Variants in PPP1R9A observed in about 807,000 individuals in gnomAD.
PPP1R9A encodes neurabin-1.
In PPP1R9A, 59 loss-of-function variants were observed where a neutral mutation model predicts 141.9. The ratio of observed to expected loss-of-function variants is 0.42; its 90% CI spans 0.34 to 0.52. PPP1R9A has a LOEUF of 0.52. Ranked by LOEUF, PPP1R9A falls within the 20% of genes least tolerant of loss-of-function variation. The pLI is 0.10. For synonymous variants in PPP1R9A, 500 were observed against 569.7 expected, an observed-to-expected ratio of 0.88 and a Z score of 1.74; for missense variants, 1,444 against 1,611.9, an observed-to-expected ratio of 0.90 and a Z score of 1.78.
intron 7 of PPP1R9A, among the ~76,000 whole-genome samples, chr7:95,208,384 T>A (rs1791288379): frequency 6.6e-6 from 1 of 152,034 alleles, no homozygotes; most frequent in East Asian, 1.9e-4. Context: ...AAATATAAAA[T>A]TTGGAAGATA....
At chr7:95,083,346 T>C (rs1004023765) in intron 2 of PPP1R9A, among the ~76,000 whole-genome samples, 8 of 151,518 alleles carry the variant, frequency 5.3e-5, no homozygotes, top group African/African-American at 2.0e-4. Flanking sequence ...TTGCCCCCGG[T>C]ATAGGGCAAG....
intron 12 of PPP1R9A, among the ~76,000 whole-genome samples, chr7:95,257,499 G>A (rs182448457): frequency 6.7e-6 from 1 of 150,142 alleles, no homozygotes; most frequent in Admixed American, 6.7e-5. Flanking sequence ...GAAAATGTGG[G>A]ATTTCATATG....
chr7:95,054,112 GTGT>G (rs1239998801), intron 2 of PPP1R9A, among the ~76,000 whole-genome samples: 1 of 145,596 alleles, frequency 6.9e-6, no homozygotes, highest in Non-Finnish European at 1.5e-5. Context: ...GTTCCCCACT[GTGT>G]TTTTTTTTTT....
At chr7:94,932,763 A>ATT (rs34284096) in intron 2 of PPP1R9A, among the ~76,000 whole-genome samples, 9 of 119,772 alleles carry the variant, frequency 7.5e-5, no homozygotes, top group South Asian at 2.8e-4. Context: ...TACCTGAAGC[A>ATT]TTTTTTTTTT....
In PPP1R9A at chr7:95,265,501, A is replaced by T. The variant is rs189513025; in HGVS notation, c.2666-3049A>T. Among the ~76,000 whole-genome samples, 3 of 152,234 alleles carry T rather than the reference A, an allele frequency of 2.0e-5. No individual in the cohort carries two copies. In the East Asian group the frequency reaches 5.8e-4, roughly 29 times the overall value. On this transcript the variant is annotated intron_variant, in intron 12 of 19. Coordinates refer to ENST00000433360, the MANE Select transcript of PPP1R9A (RefSeq NM_001166160.2). ...AAAAGATAGCATGTGATGGTCAGTC[A>T]CCCTTCTAGTTACCCAGCAGCATAA... is the stretch of plus-strand genomic sequence containing the variant.
In PPP1R9A at chr7:95,292,400, A is replaced by C. The variant is rs1444948499; in HGVS notation, c.*2097A>C. On this transcript the variant is annotated 3_prime_UTR_variant, in exon 20 of 20. Transcript: ENST00000433360. Reference sequence around the variant, plus strand: ...AAAAAAGTGACCTGGATCACACTGGAAGTTTCACTGTATTCAAGAGTAGAA... The same window carrying C: ...AAAAAAGTGACCTGGATCACACTGGCAGTTTCACTGTATTCAAGAGTAGAA... 6.6e-6 allele frequency: 1 copy of C among 152,618 alleles called. No homozygotes were observed. The highest frequency in any genetic ancestry group is 1.5e-5 in the Non-Finnish European group (1 of 68,028). 9.5% of individuals were successfully genotyped at this position (152,618 alleles called of 1,614,324 possible).
chr7:94,914,553 A>C (rs976140545), intron 2 of PPP1R9A, among the ~76,000 whole-genome samples: 1 of 152,210 alleles, frequency 6.6e-6, no homozygotes, highest in African/African-American at 2.4e-5. Context: ...AGGGTCATGA[A>C]ATATTAGAAT....
chr7:95,237,297 G>C (rs1424977131), intron 8 of PPP1R9A, among the ~76,000 whole-genome samples: 2 of 151,118 alleles, frequency 1.3e-5, no homozygotes, highest in Admixed American at 1.3e-4. Flanking sequence ...CTGGGTTCAA[G>C]TGATTCTCCT....
At chr7:95,283,588 T>C (rs1438343253) in intron 16 of PPP1R9A, among the ~76,000 whole-genome samples, 2 of 152,168 alleles carry the variant, frequency 1.3e-5, no homozygotes, top group Non-Finnish European at 2.9e-5. Flanking sequence ...TTTTCTTAAG[T>C]CTCAGACCCT....
intron 2 of PPP1R9A, among the ~76,000 whole-genome samples, chr7:95,101,046 G>T (rs1584689904): frequency 6.6e-6 from 1 of 151,236 alleles, no homozygotes; most frequent in Non-Finnish European, 1.5e-5. Flanking sequence ...TAGAGACGGG[G>T]TTTCACCGTG....
chr7:95,059,908 A>T (rs1291566987), intron 2 of PPP1R9A, among the ~76,000 whole-genome samples: 2 of 152,162 alleles, frequency 1.3e-5, no homozygotes, highest in Non-Finnish European at 2.9e-5. Flanking sequence ...AGACGGGAAC[A>T]TCAAGGACTC....
Position 94,911,420 on chromosome 7 carries a change from A to G in PPP1R9A, c.1307A>G (p.Asp436Gly). 6.2e-7 allele frequency: 1 copy of G among 1,613,920 alleles called. No homozygotes were observed. Among genetic ancestry groups the G allele is most frequent in the Non-Finnish European group, 8.5e-7 (1 of 1,179,826 alleles). The change falls in exon 2 of 20, where the codon GAT (aspartate) becomes GGT (glycine). Residue 436 changes from aspartate to glycine, a missense_variant. Coordinates refer to ENST00000433360, the MANE Select transcript of PPP1R9A (RefSeq NM_001166160.2). ...GATGAGAACAGTTACTATCAGCCTG[A>G]TATGGAGTACTCGGAAATTGTTGGA... ...DSDENSYYQPDMEYSEIVGLP... is the reference protein window; with the variant it reads ...DSDENSYYQPGMEYSEIVGLP...
chr7:95,210,306 C>G (rs1051350689), intron 7 of PPP1R9A, among the ~76,000 whole-genome samples: 4 of 151,836 alleles, frequency 2.6e-5, no homozygotes, highest in Non-Finnish European at 4.4e-5. Flanking sequence ...GTCAAAAGAT[C>G]CAATAACGAT....
intron 2 of PPP1R9A, among the ~76,000 whole-genome samples, chr7:94,975,118 A>T (rs74657407): frequency 6.6e-6 from 1 of 152,174 alleles, no homozygotes; most frequent in Non-Finnish European, 1.5e-5. Context: ...ACTGTGTTGC[A>T]GTCTTTAGAA....
chr7:95,055,462 A>G (rs1811384863), intron 2 of PPP1R9A, among the ~76,000 whole-genome samples: 2 of 152,082 alleles, frequency 1.3e-5, no homozygotes, highest in Admixed American at 1.3e-4. Context: ...TATTACCACT[A>G]CTTAACACCC....
Position 95,197,908 on chromosome 7 carries a change from C to G in PPP1R9A, c.1755-441C>G, listed in dbSNP as rs556333189. 2.0e-3 allele frequency among the ~76,000 whole-genome samples: 311 copies of G among 152,298 alleles called. 1 individual carries two copies. Among genetic ancestry groups the G allele is most frequent in the Admixed American group, 5.8e-3 (88 of 15,294 alleles). ...AGGTGATCCACCCACCTTTGCCTCC[C>G]AAAGTGTTGGGATTATAGGCTTGAG... On this transcript the variant is annotated intron_variant, in intron 5 of 19. Coordinates refer to ENST00000433360, the MANE Select transcript of PPP1R9A (RefSeq NM_001166160.2).
chr7:94,923,459 T>C (rs1370134179), intron 2 of PPP1R9A, among the ~76,000 whole-genome samples: 1 of 152,154 alleles, frequency 6.6e-6, no homozygotes, highest in Non-Finnish European at 1.5e-5. Flanking sequence ...AGATGTCAAG[T>C]TCATTATCTT....
intron 14 of PPP1R9A, among the ~76,000 whole-genome samples, chr7:95,271,601 A>G (rs750553322): frequency 6.6e-5 from 10 of 152,210 alleles, no homozygotes; most frequent in Non-Finnish European, 8.8e-5. Context: ...GGGAGTCCCC[A>G]TTATAAAGGA....
intron 5 of PPP1R9A, among the ~76,000 whole-genome samples, chr7:95,164,463 GTGTT>G (rs771842101): frequency 6.6e-5 from 10 of 151,778 alleles, no homozygotes; most frequent in Non-Finnish European, 1.5e-4. Flanking sequence ...AACTAGATCT[GTGTT>G]TGTTTATTTG....
Sources: allele counts gnomAD v4.1 joint callset (sites outside exome capture counted in the v4.1 genomes callset), GRCh38; gene constraint gnomAD v4.1.1; transcripts MANE v1.5; gene names NCBI Gene and HGNC (gene_info 2026-07-23, HGNC 2026-07-21).